Variants in CADPS2 observed in about 807,000 individuals in gnomAD.
CADPS2 encodes calcium-dependent secretion activator 2.
Under a neutral mutation model 172.5 loss-of-function variants are expected in CADPS2, and 93 were observed. The ratio of observed to expected loss-of-function variants is 0.54; its 90% CI spans 0.46 to 0.64. CADPS2 has a LOEUF of 0.64. Ranked by LOEUF, CADPS2 falls within the 30% of genes least tolerant of loss-of-function variation. CADPS2 has a pLI of 0.00. For synonymous variants in CADPS2, 546 were observed against 555.2 expected, an observed-to-expected ratio of 0.98 and a Z score of 0.23; for missense variants, 1,420 against 1,565.9, an observed-to-expected ratio of 0.91 and a Z score of 1.57.
At chr7:122,818,926 C>A (rs1802308669) in intron 1 of CADPS2, among the ~76,000 whole-genome samples, 1 of 152,166 alleles carries the variant, frequency 6.6e-6, no homozygotes, top group African/African-American at 2.4e-5. Flanking sequence ...GGTCAAAAGG[C>A]CGTCTTATTC....
chr7:122,415,601 C>CAAAAAAAAAAAAAAAAAAAAAAAA (rs549530021), intron 18 of CADPS2, among the ~76,000 whole-genome samples: 1 of 64,960 alleles, frequency 1.5e-5, no homozygotes, highest in Non-Finnish European at 3.5e-5. Flanking sequence ...AATACAGAAC[C>CAAAAAAAAAAAAAAAAAAAAAAAA]AAAAAAAAAA....
At chr7:122,703,470 A>T (rs2086489879) in intron 2 of CADPS2, among the ~76,000 whole-genome samples, 1 of 152,134 alleles carries the variant, frequency 6.6e-6, no homozygotes, top group African/African-American at 2.4e-5. Flanking sequence ...ACACCTAAAG[A>T]TCCAACACTA....
At chr7:122,424,196 G>T in intron 17 of CADPS2, 1 of 322,708 alleles carries the variant, frequency 3.1e-6, no homozygotes, top group Non-Finnish European at 4.5e-6. Flanking sequence ...CTTCCTTTGG[G>T]ACCAACTCAT....
chr7:122,324,840 A>T (rs1318341849), intron 29 of CADPS2, among the ~76,000 whole-genome samples: 1 of 152,094 alleles, frequency 6.6e-6, no homozygotes, highest in African/African-American at 2.4e-5. Flanking sequence ...AATTATGCAT[A>T]ATATATTATT....
At chr7:122,739,144 G>C (rs1294912921) in intron 1 of CADPS2, among the ~76,000 whole-genome samples, 1 of 152,168 alleles carries the variant, frequency 6.6e-6, no homozygotes, top group African/African-American at 2.4e-5. Context: ...GAGTGAGGCG[G>C]CTGAAAGCAC....
At chr7:122,754,920 T>C (rs1339162725) in intron 1 of CADPS2, among the ~76,000 whole-genome samples, 1 of 152,238 alleles carries the variant, frequency 6.6e-6, no homozygotes. Flanking sequence ...TTTTAAAACA[T>C]ATTCTTAAGA....
At chr7:122,585,986 A>G (rs946074914) in intron 6 of CADPS2, among the ~76,000 whole-genome samples, 8 of 152,022 alleles carry the variant, frequency 5.3e-5, no homozygotes, top group Admixed American at 3.3e-4. Context: ...AGAAACATTC[A>G]TGACAGCATT....
intron 28 of CADPS2, among the ~76,000 whole-genome samples, chr7:122,336,734 C>T (rs1284759393): frequency 6.6e-6 from 1 of 152,154 alleles, no homozygotes; most frequent in East Asian, 1.9e-4. Context: ...AAAATTTCTC[C>T]ACGAAAATGA....
chr7:122,594,701 C>T (rs1197134773), intron 6 of CADPS2, among the ~76,000 whole-genome samples: 2 of 151,708 alleles, frequency 1.3e-5, no homozygotes, highest in African/African-American at 4.8e-5. Context: ...CCTTTCTCTC[C>T]CTCATAGCAG....
rs146628658 is a variant in CADPS2 at position 122,876,371 on chromosome 7, T to C, written c.339+9628A>G. ...CAGCAAATCTAATTTTATATTTATT[T>C]TTTCTTTTGAGACAGGGTCTCACTT... On this transcript the variant is annotated intron_variant, in intron 1 of 29. Transcript: ENST00000449022. 8.8e-3 allele frequency among the ~76,000 whole-genome samples: 1,334 copies of C among 152,184 alleles called. 16 individuals are homozygous for C. Among genetic ancestry groups the C allele is most frequent in the African/African-American group, 0.03 (1,243 of 41,508 alleles).
At chr7:122,568,622 C>T (rs1386489755) in intron 7 of CADPS2, among the ~76,000 whole-genome samples, 2 of 152,078 alleles carry the variant, frequency 1.3e-5, no homozygotes, top group East Asian at 1.9e-4. Context: ...TTTCAACAGA[C>T]TGTGCTAGAA....
At chr7:122,774,892 T>G (rs954150707) in intron 1 of CADPS2, among the ~76,000 whole-genome samples, 5 of 152,176 alleles carry the variant, frequency 3.3e-5, no homozygotes, top group African/African-American at 4.8e-5. Context: ...CATATCTATA[T>G]CCACAAATAA....
rs1387195123 is a variant in CADPS2, at chr7:122,389,962, T to C, written c.3009-1224A>G. ...CTAAATATATCTTTATGAGCTAGCTTAGAAAAAAAGGCACCTCTTGCTCTT... is the reference window on the plus strand; with the variant it reads ...CTAAATATATCTTTATGAGCTAGCTCAGAAAAAAAGGCACCTCTTGCTCTT... On this transcript the variant is annotated intron_variant, in intron 22 of 29. Transcript: ENST00000449022. 2.0e-5 allele frequency among the ~76,000 whole-genome samples: 3 copies of C among 152,134 alleles called. No individual in the cohort carries two copies. The East Asian group carries it at 5.8e-4, about 29-fold the overall frequency.
chr7:122,593,884 T>TAA (rs1363210827), intron 6 of CADPS2, among the ~76,000 whole-genome samples: 1 of 152,010 alleles, frequency 6.6e-6, no homozygotes, highest in Middle Eastern at 3.2e-3. Flanking sequence ...AAGGTCAACT[T>TAA]ACAATAGGCA....
intron 2 of CADPS2, among the ~76,000 whole-genome samples, chr7:122,689,830 C>T (rs148827035): frequency 2.3e-4 from 35 of 152,324 alleles, no homozygotes; most frequent in African/African-American, 7.0e-4. Flanking sequence ...CTGCTCTATA[C>T]ATGGTGGTGT....
At chr7:122,439,219 G>A (rs2151949056) in intron 16 of CADPS2, 1 of 152,236 alleles carries the variant, frequency 6.6e-6, no homozygotes, top group Middle Eastern at 3.4e-3. Flanking sequence ...AAAATGTAAT[G>A]TATTTATAAA....
At chr7:122,548,209 A>AT (rs1303483664) in intron 8 of CADPS2, among the ~76,000 whole-genome samples, 2 of 151,726 alleles carry the variant, frequency 1.3e-5, no homozygotes, top group African/African-American at 2.4e-5. Flanking sequence ...CTCTATAAAA[A>AT]TTTTTTTAAA....
intron 2 of CADPS2, among the ~76,000 whole-genome samples, chr7:122,687,160 A>G (rs960560484): frequency 6.6e-6 from 1 of 152,200 alleles, no homozygotes; most frequent in African/African-American, 2.4e-5. Flanking sequence ...TACTTCCTAA[A>G]TGGAAACATC....
At chr7:122,323,623 G>A (rs1484627170) in intron 29 of CADPS2, among the ~76,000 whole-genome samples, 2 of 151,636 alleles carry the variant, frequency 1.3e-5, no homozygotes, top group Admixed American at 6.6e-5. Context: ...TGGAAATGAG[G>A]AATAACTTTG....
Sources: gnomAD v4.1 joint callset for allele counts (sites outside exome capture counted in the v4.1 genomes callset) on GRCh38, gnomAD v4.1.1 for gene constraint, MANE v1.5 for transcripts, NCBI Gene and HGNC (gene_info 2026-07-23, HGNC 2026-07-21) for gene names.